Variants in ARHGEF4 observed in about 807,000 individuals in gnomAD.
ARHGEF4 encodes the protein APC-stimulated guanine nucleotide exchange factor 1.
Under a neutral mutation model 162.0 loss-of-function variants are expected in ARHGEF4, and 119 were observed. The ratio of observed to expected loss-of-function variants is 0.73; its 90% confidence interval spans 0.63 to 0.86. The LOEUF is 0.86. Among genes scored for constraint, ARHGEF4 ranks in the 40% least tolerant of loss-of-function variants. The pLI is 0.00. For missense variants in ARHGEF4, 2,488 were observed against 2,456.0 expected, an observed-to-expected ratio of 1.01 and a Z score of -0.28; for synonymous variants, 1,014 against 979.9, an observed-to-expected ratio of 1.03 and a Z score of -0.65.
intron 2 of ARHGEF4, among the ~76,000 whole-genome samples, chr2:130,923,613 A>T (rs189541666): frequency 8.5e-5 from 13 of 152,366 alleles, no homozygotes; most frequent in African/African-American, 2.2e-4. Flanking sequence ...TCACAGCAGG[A>T]CAGCATGCAG....
chr2:130,838,847 T>C (rs1446321413), intron 1 of ARHGEF4, among the ~76,000 whole-genome samples: 1 of 152,084 alleles, frequency 6.6e-6, no homozygotes, highest in Non-Finnish European at 1.5e-5. Flanking sequence ...CAGGAGCAGG[T>C]GGAGTGTGGC....
chr2:130,924,611 C>T (rs1352188557), intron 2 of ARHGEF4, among the ~76,000 whole-genome samples: 1 of 152,136 alleles, frequency 6.6e-6, no homozygotes, highest in African/African-American at 2.4e-5. Flanking sequence ...TTTCTTTCCT[C>T]TGGGATTTCA....
intron 4 of ARHGEF4, among the ~76,000 whole-genome samples, chr2:130,974,865 A>T (rs773236329): frequency 1.3e-5 from 2 of 152,230 alleles, no homozygotes; most frequent in Non-Finnish European, 2.9e-5. Context: ...AATCTCTGCC[A>T]TCTGAGTAGA....
intron 1 of ARHGEF4, among the ~76,000 whole-genome samples, chr2:130,876,969 G>A (rs1380528886): frequency 3.3e-5 from 5 of 152,202 alleles, no homozygotes; most frequent in Non-Finnish European, 7.4e-5. Context: ...GAATTAGTAT[G>A]TATTTGATAG....
At chr2:130,977,480 TTGTG>T (rs1346774545) in intron 4 of ARHGEF4, among the ~76,000 whole-genome samples, 3 of 151,806 alleles carry the variant, frequency 2.0e-5, no homozygotes, top group Non-Finnish European at 2.9e-5. Flanking sequence ...TGTGTGTGCT[TTGTG>T]TGTATAGTGG....
intron 1 of ARHGEF4, among the ~76,000 whole-genome samples, chr2:130,838,057 C>T (rs1558991951): frequency 6.6e-6 from 1 of 152,232 alleles, no homozygotes; most frequent in East Asian, 1.9e-4. Flanking sequence ...CCAGCGATAA[C>T]GAAGTGATCG....
In ARHGEF4 at chr2:131,040,107, G is replaced by A; in HGVS notation, c.4397G>A (p.Ser1466Asn). The change falls in exon 7 of 14, where the codon AGC (serine) becomes AAC (asparagine). Residue 1466 changes from serine (S) to asparagine (N), a missense_variant. Physicochemically the swap from Ser to Asn is conservative, Grantham distance 46. Around this residue, in one of 6 missense-constraint regions of ARHGEF4, gnomAD observed 174 missense variants for 148.3 expected, o/e 1.17. Transcript: ENST00000409359. ...GACGGCGGGGCGGAGGCGCAGAGCA[G>A]CAAGGACCAGATGCGGACCAACGTC... Reference protein sequence around the residue: ...AEDGGAEAQSSKDQMRTNVIN... With the variant: ...AEDGGAEAQSNKDQMRTNVIN... 1 of 1,611,712 alleles carries A rather than the reference G, an allele frequency of 6.2e-7. No homozygotes were observed. The highest frequency in any genetic ancestry group is 8.5e-7 in the Non-Finnish European group (1 of 1,178,636).
intron 1 of ARHGEF4, among the ~76,000 whole-genome samples, chr2:130,889,143 C>T (rs1240355458): frequency 6.6e-6 from 1 of 151,716 alleles, no homozygotes; most frequent in East Asian, 1.9e-4. Context: ...ATACGTCTGT[C>T]TCTATTTGTT....
chr2:130,907,370 A>G (rs1680888620), intron 1 of ARHGEF4, among the ~76,000 whole-genome samples: 3 of 151,578 alleles, frequency 2.0e-5, no homozygotes, highest in Admixed American at 2.0e-4. Flanking sequence ...GCCTGCCACC[A>G]TGCTCAACTA....
chr2:130,935,341 A>G (rs1164107040), intron 3 of ARHGEF4, among the ~76,000 whole-genome samples: 1 of 151,836 alleles, frequency 6.6e-6, no homozygotes, highest in East Asian at 1.9e-4. Context: ...CCTGGCCTCT[A>G]TTGTTTTTCT....
chr2:131,020,286 C>A (rs1315484397), intron 4 of ARHGEF4, among the ~76,000 whole-genome samples: 2 of 150,702 alleles, frequency 1.3e-5, no homozygotes, highest in Non-Finnish European at 3.0e-5. Context: ...TGTGCTGCAC[C>A]CATTAACTCT....
chr2:130,881,134 A>T (rs1679162480), intron 1 of ARHGEF4, among the ~76,000 whole-genome samples: 1 of 152,006 alleles, frequency 6.6e-6, no homozygotes, highest in African/African-American at 2.4e-5. Flanking sequence ...CCGAGTTCAA[A>T]TGATTCTCCT....
chr2:130,890,508 G>A (rs12465807), intron 1 of ARHGEF4, among the ~76,000 whole-genome samples: 23,201 of 151,330 alleles, frequency 0.15, 2,024 homozygotes, highest in Admixed American at 0.23. Flanking sequence ...GTTGCAGTGA[G>A]CCAAGATCAC....
At chr2:130,868,629 A>G (rs1682468726) in intron 1 of ARHGEF4, among the ~76,000 whole-genome samples, 2 of 152,324 alleles carry the variant, frequency 1.3e-5, no homozygotes, top group South Asian at 2.1e-4. Context: ...CAGGTCAGGC[A>G]GGAAGTAGGA....
chr2:130,876,825 C>G (rs1383939380), intron 1 of ARHGEF4, among the ~76,000 whole-genome samples: 4 of 152,276 alleles, frequency 2.6e-5, no homozygotes, highest in Non-Finnish European at 5.9e-5. Context: ...TCTGGATGAT[C>G]CCAAAGCCTG....
chr2:131,044,461 A>C lies in ARHGEF4; in HGVS notation c.5320A>C (p.Thr1774Pro). 1 of 1,556,002 alleles carries C rather than the reference A, an allele frequency of 6.4e-7. No homozygotes were observed. Among genetic ancestry groups the C allele is most frequent in the Non-Finnish European group, 8.7e-7 (1 of 1,149,724 alleles). The part of the protein sequence containing the change: ...GATGDSHLLC[T>P]RKPEQKQRWL... ...CACAGGGGACAGCCACCTGCTGTGC[A>C]CCAGGAAGCCCGAGCAGAAGCAGCG... Residue 1774 changes from threonine (T) to proline (P), a missense_variant, in exon 12 of 14, where the codon ACC becomes CCC. Thr to Pro is a conservative substitution (Grantham distance 38). This residue lies in a region of ARHGEF4 where 415 missense variants were observed against 512.4 expected (regional missense o/e 0.81). Coordinates refer to ENST00000409359, the MANE Select transcript of ARHGEF4 (RefSeq NM_001367493.1).
chr2:130,967,913 C>T (rs1226979062), intron 4 of ARHGEF4, among the ~76,000 whole-genome samples: 2 of 152,168 alleles, frequency 1.3e-5, no homozygotes, highest in African/African-American at 4.8e-5. Context: ...ATCACATGGA[C>T]GATGCTTCAG....
At chr2:130,846,748 C>T (rs77233950) in intron 1 of ARHGEF4, among the ~76,000 whole-genome samples, 1 of 152,126 alleles carries the variant, frequency 6.6e-6, no homozygotes, top group African/African-American at 2.4e-5. Context: ...CTGGGACACT[C>T]AGGCAGCTGG....
At chr2:131,013,123 C>G (rs1688573176) in intron 4 of ARHGEF4, among the ~76,000 whole-genome samples, 1 of 152,158 alleles carries the variant, frequency 6.6e-6, no homozygotes, top group East Asian at 1.9e-4. Context: ...GAACTGCCAG[C>G]TTCAGAGGAG....
Sources: allele counts gnomAD v4.1 joint callset (sites outside exome capture counted in the v4.1 genomes callset), GRCh38; gene constraint gnomAD v4.1.1; regional missense constraint gnomAD v4.1.1; transcripts MANE v1.5; gene names NCBI Gene and HGNC (gene_info 2026-07-23, HGNC 2026-07-21).